Variants in KCNAB1 observed in about 807,000 individuals in gnomAD.
KCNAB1 encodes potassium voltage-gated channel subfamily A regulatory beta subunit 1.
In KCNAB1, 35 loss-of-function variants were observed where a neutral mutation model predicts 64.6. The observed-to-expected ratio is 0.54, with a 90% CI of 0.41 to 0.72. The LOEUF is 0.72. Among genes scored for constraint, KCNAB1 ranks in the 30% least tolerant of loss-of-function variants. KCNAB1 has a pLI of 0.00. For synonymous variants in KCNAB1, 177 were observed against 183.8 expected, an observed-to-expected ratio of 0.96 and a Z score of 0.30; for missense variants, 401 against 512.9, an observed-to-expected ratio of 0.78 and a Z score of 2.11.
At chr3:156,484,880 A>G (rs17352408) in intron 8 of KCNAB1, among the ~76,000 whole-genome samples, 36,106 of 152,024 alleles carry the variant, frequency 0.24, 5,239 homozygotes, top group South Asian at 0.38. Context: ...GAGGTCTGCA[A>G]TCAGAAGGTG....
At chr3:156,306,240 G>A (rs988823558) in intron 1 of KCNAB1, among the ~76,000 whole-genome samples, 6 of 152,180 alleles carry the variant, frequency 3.9e-5, no homozygotes, top group African/African-American at 7.2e-5. Flanking sequence ...AGTTTTCCCT[G>A]TGTGGCATGT....
Position 156,357,059 on chromosome 3 carries a change from T to C in KCNAB1, c.276-64557T>C, listed in dbSNP as rs1186640147. ...GTGAAAGAAACAAACAAACTCTCTA[T>C]GGCCAAAGTCACAATGAAATACAGA... On this transcript the variant is annotated intron_variant, in intron 1 of 13. Coordinates refer to ENST00000490337, the MANE Select transcript of KCNAB1 (RefSeq NM_172160.3). Among the ~76,000 whole-genome samples, 5 of 152,140 alleles carry C rather than the reference T, an allele frequency of 3.3e-5. No individual in the cohort carries two copies. The East Asian group carries it at 9.6e-4, about 29-fold the overall frequency.
intron 1 of KCNAB1, among the ~76,000 whole-genome samples, chr3:156,244,964 G>A (rs1442622345): frequency 1.3e-5 from 2 of 152,166 alleles, no homozygotes; most frequent in Non-Finnish European, 2.9e-5. Context: ...CTCTGGCCAC[G>A]TACAGAAGAA....
intron 1 of KCNAB1, among the ~76,000 whole-genome samples, chr3:156,369,932 T>C (rs187972126): frequency 7.0e-4 from 106 of 152,298 alleles, no homozygotes; most frequent in African/African-American, 2.4e-3. Flanking sequence ...AACAAGTCAG[T>C]TTTTAAAAGC....
intron 1 of KCNAB1, among the ~76,000 whole-genome samples, chr3:156,273,902 A>G (rs1238079070): frequency 6.6e-6 from 1 of 152,178 alleles, no homozygotes; most frequent in African/African-American, 2.4e-5. Context: ...CAGCTATTGC[A>G]CTTATTCTGA....
chr3:156,413,002 G>A (rs759779096), intron 1 of KCNAB1, among the ~76,000 whole-genome samples: 1 of 152,210 alleles, frequency 6.6e-6, no homozygotes, highest in Non-Finnish European at 1.5e-5. Context: ...AAGTGCTGGA[G>A]TTACTAGAAT....
At chr3:156,503,756 T>C (rs1297248927) in intron 8 of KCNAB1, among the ~76,000 whole-genome samples, 1 of 152,224 alleles carries the variant, frequency 6.6e-6, no homozygotes, top group Non-Finnish European at 1.5e-5. Context: ...ATTTATTTAT[T>C]CTCTTATTAT....
intron 1 of KCNAB1, among the ~76,000 whole-genome samples, chr3:156,348,708 A>G (rs988771530): frequency 8.5e-5 from 13 of 152,210 alleles, no homozygotes; most frequent in African/African-American, 3.1e-4. Flanking sequence ...GTCAGCCTAA[A>G]TTCAATATTG....
intron 1 of KCNAB1, among the ~76,000 whole-genome samples, chr3:156,308,630 A>G (rs1043069185): frequency 2.0e-5 from 3 of 152,176 alleles, no homozygotes; most frequent in African/African-American, 7.2e-5. Flanking sequence ...CTTGAGTTTG[A>G]ATCCAGCACT....
In KCNAB1 at chr3:156,515,158, A is replaced by G; in HGVS notation, c.803A>G (p.Glu268Gly). The G allele has an allele frequency of 1.2e-6, 2 of 1,613,462 alleles. No homozygotes were observed. The highest frequency in any genetic ancestry group is 1.7e-6 in the Non-Finnish European group (2 of 1,179,456). Reference sequence around the variant, plus strand: ...ATCCCACCGGTCTGTGAACAAGCTGAGTACCATCTTTTCCAGAGAGAGAAA... The same window carrying G: ...ATCCCACCGGTCTGTGAACAAGCTGGGTACCATCTTTTCCAGAGAGAGAAA... ...NMIPPVCEQAEYHLFQREKVE... is the reference protein window; with the variant it reads ...NMIPPVCEQAGYHLFQREKVE... Residue 268 changes from glutamate to glycine, a missense_variant, in exon 10 of 14, where the codon GAG becomes GGG. Transcript: ENST00000490337.
intron 1 of KCNAB1, among the ~76,000 whole-genome samples, chr3:156,172,135 C>T (rs1283052616): frequency 6.6e-6 from 1 of 152,186 alleles, no homozygotes; most frequent in Non-Finnish European, 1.5e-5. Flanking sequence ...TTCTTCGTAT[C>T]TGTATTCATC....
At chr3:156,228,849 C>T (rs1716344423) in intron 1 of KCNAB1, among the ~76,000 whole-genome samples, 1 of 152,222 alleles carries the variant, frequency 6.6e-6, no homozygotes, top group Admixed American at 6.5e-5. Context: ...GGCCACATGG[C>T]CCTTTGTAGG....
At chr3:156,516,202 G>T (rs1352466233) in intron 10 of KCNAB1, 68 bp from the exon 11 acceptor site, 1 of 1,055,262 alleles carries the variant, frequency 9.5e-7, no homozygotes, top group African/African-American at 1.6e-5. Context: ...AAACACTACT[G>T]CCCCCACCGC....
rs539781590 is a variant in KCNAB1 at position 156,331,869 on chromosome 3, T to C, written c.276-89747T>C. ...GGGGGTCAAATTTTCCAAACAGTCT[T>C]GTGTTCTGAAACCTACCAGGATGAG... On this transcript the variant is annotated intron_variant, in intron 1 of 13. Transcript: ENST00000490337. Among the ~76,000 whole-genome samples the C allele has an allele frequency of 1.0e-3, 155 of 152,272 alleles. 2 individuals carry two copies. The highest frequency in any genetic ancestry group is 1.7e-3 in the Non-Finnish European group (113 of 68,016).
intron 1 of KCNAB1, among the ~76,000 whole-genome samples, chr3:156,154,828 G>C (rs1430900651): frequency 6.6e-6 from 1 of 152,142 alleles, no homozygotes. Context: ...TACTTCAGAG[G>C]GTTGGTTACC....
At chr3:156,238,012 A>ACT (rs1325673673) in intron 1 of KCNAB1, among the ~76,000 whole-genome samples, 1 of 152,158 alleles carries the variant, frequency 6.6e-6, no homozygotes, top group Non-Finnish European at 1.5e-5. Context: ...TGACTGACAG[A>ACT]CTGACTACTG....
intron 1 of KCNAB1, among the ~76,000 whole-genome samples, chr3:156,298,112 A>G (rs557420370): frequency 3.2e-4 from 49 of 152,320 alleles, no homozygotes; most frequent in African/African-American, 1.2e-3. Flanking sequence ...TGCTGATTCA[A>G]TCTCATAGAG....
chr3:156,405,324 T>G (rs560228141), intron 1 of KCNAB1, among the ~76,000 whole-genome samples: 4 of 152,352 alleles, frequency 2.6e-5, no homozygotes, highest in South Asian at 2.1e-4. Context: ...TCTTCCTGAT[T>G]GTTACTGCAG....
At chr3:156,164,994 T>C (rs1716286510) in intron 1 of KCNAB1, among the ~76,000 whole-genome samples, 1 of 152,132 alleles carries the variant, frequency 6.6e-6, no homozygotes, top group South Asian at 2.1e-4. Context: ...TGAAAGCAAA[T>C]AGGCCGGGCG....
Sources: gnomAD v4.1 joint callset for allele counts (sites outside exome capture counted in the v4.1 genomes callset) on GRCh38, gnomAD v4.1.1 for gene constraint, MANE v1.5 for transcripts, NCBI Gene and HGNC (gene_info 2026-07-23, HGNC 2026-07-21) for gene names.